CNTNAP2: variants seen among roughly 807,000 people sequenced by gnomAD.
CNTNAP2 encodes the protein contactin associated protein 2.
In CNTNAP2, 98 loss-of-function variants were observed where a neutral mutation model predicts 155.2. That is an observed-to-expected ratio of 0.63 (90% CI 0.54 to 0.75). CNTNAP2 has a LOEUF of 0.75. Among genes scored for constraint, CNTNAP2 ranks in the 30% least tolerant of loss-of-function variants. The probability of loss-of-function intolerance (pLI) is 0.00; values close to 1 mark genes in which losing one functional copy is unlikely to be tolerated. For synonymous variants in CNTNAP2, 651 were observed against 631.2 expected, an observed-to-expected ratio of 1.03 and a Z score of -0.47; for missense variants, 1,727 against 1,688.1, an observed-to-expected ratio of 1.02 and a Z score of -0.40.
chr7:146,317,827 T>C (rs923220294), intron 1 of CNTNAP2, among the ~76,000 whole-genome samples: 3 of 152,336 alleles, frequency 2.0e-5, no homozygotes, highest in Admixed American at 1.3e-4. Context: ...AGCTTGTTTT[T>C]TGAGGCATTG....
At chr7:148,372,346 G>A (rs1277262585) in intron 21 of CNTNAP2, among the ~76,000 whole-genome samples, 1 of 152,168 alleles carries the variant, frequency 6.6e-6, no homozygotes, top group Non-Finnish European at 1.5e-5. Context: ...TTATACTACT[G>A]TAGATTTTAT....
chr7:147,912,285 A>G (rs11561915), intron 14 of CNTNAP2, among the ~76,000 whole-genome samples: 1 of 152,180 alleles, frequency 6.6e-6, no homozygotes, highest in East Asian at 1.9e-4. Flanking sequence ...GCACACACAG[A>G]TAAGGGTTAG....
At chr7:146,979,939 A>G (rs1053107592) in intron 3 of CNTNAP2, among the ~76,000 whole-genome samples, 2 of 152,198 alleles carry the variant, frequency 1.3e-5, no homozygotes, top group Non-Finnish European at 2.9e-5. Context: ...TTGGTGCAAA[A>G]TAAGTGTGGC....
intron 4 of CNTNAP2, among the ~76,000 whole-genome samples, chr7:147,060,635 G>A (rs1009257976): frequency 6.6e-6 from 1 of 151,858 alleles, no homozygotes; most frequent in African/African-American, 2.4e-5. Flanking sequence ...AGGCCGAGGC[G>A]GGCGGATCAC....
chr7:147,673,842 A>G (rs1795826668), intron 13 of CNTNAP2, among the ~76,000 whole-genome samples: 1 of 152,216 alleles, frequency 6.6e-6, no homozygotes, highest in African/African-American at 2.4e-5. Flanking sequence ...TAGGAAGCAA[A>G]TGCTACCTAT....
At chr7:146,224,592 A>C (rs1584811022) in intron 1 of CNTNAP2, among the ~76,000 whole-genome samples, 1 of 1,274 alleles carries the variant, frequency 7.8e-4, no homozygotes, top group African/African-American at 3.2e-3. Flanking sequence ...CAAAAAATAC[A>C]AAAAAAAAAA....
intron 16 of CNTNAP2, among the ~76,000 whole-genome samples, chr7:148,124,314 T>C (rs1042680211): frequency 2.6e-5 from 4 of 152,192 alleles, no homozygotes; most frequent in Non-Finnish European, 5.9e-5. Context: ...AGAAATATTG[T>C]TCAAAAAAAA....
intron 1 of CNTNAP2, among the ~76,000 whole-genome samples, chr7:146,748,395 T>C (rs1801848764): frequency 1.3e-5 from 2 of 152,088 alleles, no homozygotes; most frequent in African/African-American, 4.8e-5. Flanking sequence ...TCCGCCCTCC[T>C]TGGCCTCCCA....
chr7:147,025,435 A>G (rs1397549644), intron 3 of CNTNAP2, among the ~76,000 whole-genome samples: 4 of 4,484 alleles, frequency 8.9e-4, no homozygotes, highest in African/African-American at 2.4e-3. Flanking sequence ...GGGGAGGGGG[A>G]GGGGAGGGGA....
chr7:147,828,245 G>GATT (rs1798491753), intron 13 of CNTNAP2, among the ~76,000 whole-genome samples: 1 of 152,156 alleles, frequency 6.6e-6, no homozygotes, highest in African/African-American at 2.4e-5. Flanking sequence ...CCAGGGCATT[G>GATT]AAGCCCAAGG....
At chr7:146,212,171 T>G (rs2116884535) in intron 1 of CNTNAP2, among the ~76,000 whole-genome samples, 1 of 152,322 alleles carries the variant, frequency 6.6e-6, no homozygotes, top group Admixed American at 6.5e-5. Context: ...TGTATTCAAC[T>G]AATAGTGTGT....
chr7:146,637,755 T>C (rs1262595881), intron 1 of CNTNAP2, among the ~76,000 whole-genome samples: 2 of 152,182 alleles, frequency 1.3e-5, no homozygotes, highest in African/African-American at 4.8e-5. Context: ...CCCACATAAA[T>C]GTAACTCAGA....
chr7:147,853,522 A>T (rs1798985884), intron 13 of CNTNAP2, among the ~76,000 whole-genome samples: 1 of 152,210 alleles, frequency 6.6e-6, no homozygotes, highest in Admixed American at 6.5e-5. Flanking sequence ...ATTTTCACAA[A>T]TACTACAGGA....
At chr7:148,411,000 T>A (rs192713477) in intron 23 of CNTNAP2, among the ~76,000 whole-genome samples, 68 of 152,282 alleles carry the variant, frequency 4.5e-4, no homozygotes, top group African/African-American at 1.6e-3. Flanking sequence ...CCCCGTAAAT[T>A]TGCACAATGA....
chr7:148,144,023 T>C (rs1363119428), intron 16 of CNTNAP2, among the ~76,000 whole-genome samples: 1 of 152,138 alleles, frequency 6.6e-6, no homozygotes, highest in East Asian at 1.9e-4. Flanking sequence ...AGTGCAAGAC[T>C]CTGGAAACAC....
At chr7:147,038,777 C>G (rs866547953) in intron 3 of CNTNAP2, among the ~76,000 whole-genome samples, 1 of 152,172 alleles carries the variant, frequency 6.6e-6, no homozygotes, top group Admixed American at 6.5e-5. Flanking sequence ...TGGTCTTCTA[C>G]TATCTTCTTG....
rs76339049 is a variant in CNTNAP2, at chr7:148,350,771, T to C, written c.3476-32878T>C. On this transcript the variant is annotated intron_variant, in intron 21 of 23. Coordinates refer to ENST00000361727, the MANE Select transcript of CNTNAP2 (RefSeq NM_014141.6). ...TTGGTAGACAAGCTGTTCTTTCAAA[T>C]CCCTCTGTGAGCAGCAAATGCTGTG... Among the ~76,000 whole-genome samples, 3 of 152,334 alleles carry C rather than the reference T, an allele frequency of 2.0e-5. No homozygotes were observed. The East Asian group carries it at 5.8e-4, about 29-fold the overall frequency.
intron 13 of CNTNAP2, among the ~76,000 whole-genome samples, chr7:147,861,211 G>A (rs183397848): frequency 4.6e-5 from 7 of 152,236 alleles, no homozygotes; most frequent in African/African-American, 1.7e-4. Context: ...TACAAATATG[G>A]TCCCTTGGAA....
At chr7:147,714,189 A>G (rs1002096305) in intron 13 of CNTNAP2, among the ~76,000 whole-genome samples, 1 of 151,756 alleles carries the variant, frequency 6.6e-6, no homozygotes, top group Non-Finnish European at 1.5e-5. Flanking sequence ...GTGACTCTCC[A>G]AATCCTTCTC....
Sources: allele counts gnomAD v4.1 joint callset (sites outside exome capture counted in the v4.1 genomes callset), GRCh38; gene constraint gnomAD v4.1.1; transcripts MANE v1.5; gene names NCBI Gene and HGNC (gene_info 2026-07-23, HGNC 2026-07-21).